SYCP3: variants seen among roughly 807,000 people sequenced by gnomAD.
SYCP3 encodes synaptonemal complex protein 3.
SYCP3 carries 29 observed loss-of-function variants against 38.5 expected under a neutral mutation model. That is an observed-to-expected ratio of 0.75 (90% CI 0.56 to 1.03). SYCP3 has a LOEUF of 1.03. SYCP3 is among the 50% of genes least tolerant of loss of function. The pLI is 0.00. For missense variants in SYCP3, 242 were observed against 270.7 expected (o/e 0.89, Z 0.74); for synonymous variants, 79 against 80.3 (o/e 0.98, Z 0.08).
chr12:101,738,104 A>C (rs1952531807), intron 1 of SYCP3, among the ~76,000 whole-genome samples, 152 bp from the exon 2 acceptor site: 1 of 152,180 alleles, frequency 6.6e-6, no homozygotes, highest in South Asian at 2.1e-4. Flanking sequence ...AAAAGTTAAG[A>C]AGATAATGAC....
rs1441274914 is a variant in SYCP3 at position 101,737,214 on chromosome 12, T to G, written c.200+18A>C. ...AAGTGCTTTATCTAAGAAACAAAAA[T>G]TATTTTGAACACGTTACCCCATATC... is the stretch of plus-strand genomic sequence containing the variant. On this transcript the variant is annotated intron_variant, in intron 3 of 8. Transcript: ENST00000392924. 1 of 1,612,930 alleles carries G rather than the reference T, an allele frequency of 6.2e-7. No individual in the cohort carries two copies. The highest frequency in any genetic ancestry group is 8.5e-7 in the Non-Finnish European group (1 of 1,179,290).
chr12:101,739,090 G>A (rs1433866447), intron 1 of SYCP3, among the ~76,000 whole-genome samples: 1 of 152,194 alleles, frequency 6.6e-6, no homozygotes, highest in Non-Finnish European at 1.5e-5. Context: ...GGAGACGCGC[G>A]GAGCGAGGTA....
At position 101,737,079 on chromosome 12, in the gene SYCP3, G is replaced by A. The variant is rs745392420; in HGVS notation, c.201-8C>T. ...ATATTCTGCACTTCACCCCTGGAAA[G>A]AAATTACATTTTAAACACTTTAGAA... is the stretch of plus-strand genomic sequence containing the variant. On this transcript the variant is annotated splice_region_variant and splice_polypyrimidine_tract_variant and intron_variant, in intron 3 of 8. Coordinates refer to ENST00000392924, the MANE Select transcript of SYCP3 (RefSeq NM_001177949.2). 7 of 1,613,744 alleles carry A rather than the reference G, an allele frequency of 4.3e-6. No homozygotes were observed. The highest frequency in any genetic ancestry group is 5.9e-6 in the Non-Finnish European group (7 of 1,179,896).
chr12:101,734,838 G>T, intron 5 of SYCP3, 89 bp downstream of exon 5: 1 of 928,424 alleles, frequency 1.1e-6, no homozygotes, highest in Non-Finnish European at 1.8e-6. Flanking sequence ...ATGAGCCACC[G>T]TGCCGATCCT....
intron 7 of SYCP3, chr12:101,729,434 C>CCTG: frequency 2.0e-6 from 1 of 490,802 alleles, no homozygotes. Context: ...ATGTAGTATA[C>CCTG]TTTGCCCACA....
At chr12:101,732,147 T>C (rs1952216025) in intron 6 of SYCP3, 1 of 155,120 alleles carries the variant, frequency 6.4e-6, no homozygotes, top group Non-Finnish European at 1.4e-5. Context: ...GCATAATCTG[T>C]CCATGGTTTC....
Position 101,737,260 on chromosome 12 carries a change from A to G in SYCP3, c.172T>C (p.Ser58Pro). 1 of 1,612,966 alleles carries G rather than the reference A, an allele frequency of 6.2e-7. No individual in the cohort carries two copies. The highest frequency in any genetic ancestry group is 1.7e-5 in the Admixed American group (1 of 59,870). The change falls in exon 3 of 9, where the codon TCT (serine) becomes CCT (proline). Residue 58 changes from serine to proline, a missense_variant. Ser to Pro is a moderately conservative substitution (Grantham distance 74, BLOSUM62 -1). Transcript: ENST00000392924. ...AVIEKRRKKR[S>P]SAGVVEDMGG... Reference sequence around the variant, plus strand: ...ATATCTTCAACTACTCCTGCAGAAGACCTTTTCTTCCTACGTTTCTCAATG... The same window carrying G: ...ATATCTTCAACTACTCCTGCAGAAGGCCTTTTCTTCCTACGTTTCTCAATG...
intron 7 of SYCP3, chr12:101,730,635 A>C (rs1182920827): frequency 3.5e-5 from 11 of 316,964 alleles, no homozygotes; most frequent in South Asian, 2.8e-4. Flanking sequence ...CTGGGACTAC[A>C]GGTGAGTGCC....
chr12:101,739,241 T>C (rs903841825), intron 1 of SYCP3, 110 bp downstream of exon 1: 17 of 995,056 alleles, frequency 1.7e-5, no homozygotes, highest in Non-Finnish European at 2.0e-5. Context: ...CGGCCTCCGT[T>C]TTCTCGTCAG....
chr12:101,731,557 A>G lies in SYCP3; in HGVS notation c.552+11T>C. ...TTATAACGATGTATTGTGTTACCACATACAACAAACCTTTATGAACTGCTC... is the reference window on the plus strand; with the variant it reads ...TTATAACGATGTATTGTGTTACCACGTACAACAAACCTTTATGAACTGCTC... On this transcript the variant is annotated intron_variant, in intron 7 of 8. Transcript: ENST00000392924. 6.4e-7 allele frequency: 1 copy of G among 1,573,124 alleles called. No homozygotes were observed. Among genetic ancestry groups the G allele is most frequent in the Non-Finnish European group, 8.7e-7 (1 of 1,152,976 alleles).
chr12:101,729,296 T>C (rs1952079895), intron 7 of SYCP3, 83 bp from the exon 8 acceptor site: 1 of 1,344,662 alleles, frequency 7.4e-7, no homozygotes, highest in Non-Finnish European at 1.0e-6. Context: ...TTTTCAAAAG[T>C]AGTAATTTTT....
At position 101,737,798 on chromosome 12, in the gene SYCP3, T is replaced by C. The variant is rs1952516045; in HGVS notation, c.133+5A>G. ...CATCACTGCCCAACATGAGATGTAC[T>C]GCACCTTCAATAACATCTTCCTCTG... On this transcript the variant is annotated splice_donor_5th_base_variant and intron_variant, in intron 2 of 8. Transcript: ENST00000392924. 2 of 1,614,172 alleles carry C rather than the reference T, an allele frequency of 1.2e-6. No homozygotes were observed. The highest frequency in any genetic ancestry group is 1.7e-6 in the Non-Finnish European group (2 of 1,180,028).
intron 4 of SYCP3, 134 bp downstream of exon 4, chr12:101,736,903 A>C: frequency 1.2e-6 from 1 of 801,730 alleles, no homozygotes; most frequent in Non-Finnish European, 2.0e-6. Flanking sequence ...AATCACAAAT[A>C]CTTATGCAGA....
At chr12:101,733,474 G>T in intron 6 of SYCP3, 101 bp downstream of exon 6, 1 of 1,045,846 alleles carries the variant, frequency 9.6e-7, no homozygotes, top group Non-Finnish European at 1.5e-6. Flanking sequence ...GCCAGCAATG[G>T]TTAATGAAAC....
At position 101,739,344 on chromosome 12, in the gene SYCP3, C is replaced by T; in HGVS notation, c.-18+7G>A. The stretch of plus-strand genomic sequence containing the variant: ...CTGCGATAGACAGACGCCTCCCCTG[C>T]TCACACCTGAAACACACCGCAATGG... On this transcript the variant is annotated splice_region_variant and intron_variant, in intron 1 of 8. Coordinates refer to ENST00000392924, the MANE Select transcript of SYCP3 (RefSeq NM_001177949.2). 1 of 1,002,892 alleles carries T rather than the reference C, an allele frequency of 1.0e-6. No individual in the cohort carries two copies. The highest frequency in any genetic ancestry group is 1.2e-6 in the Non-Finnish European group (1 of 830,394). 62.1% of individuals were successfully genotyped at this position (1,002,892 alleles called of 1,614,324 possible).
At chr12:101,734,440 T>C (rs1952318112) in intron 5 of SYCP3, among the ~76,000 whole-genome samples, 1 of 152,162 alleles carries the variant, frequency 6.6e-6, no homozygotes, top group Admixed American at 6.5e-5. Context: ...ACCTCACTTG[T>C]TACCTAAAAG....
chr12:101,735,151 C>G, intron 4 of SYCP3, 107 bp from the exon 5 acceptor site: 1 of 679,462 alleles, frequency 1.5e-6, no homozygotes, highest in Non-Finnish European at 2.5e-6. Flanking sequence ...ATTGGAAAGA[C>G]ATTTAAACTT....
intron 5 of SYCP3, among the ~76,000 whole-genome samples, chr12:101,733,893 T>C (rs1484321193): frequency 6.6e-6 from 1 of 152,216 alleles, no homozygotes; most frequent in Non-Finnish European, 1.5e-5. Flanking sequence ...TCACAAGCTT[T>C]AGCTCTTGAA....
At chr12:101,729,666 A>G (rs377518800) in intron 7 of SYCP3, 1 of 158,090 alleles carries the variant, frequency 6.3e-6, no homozygotes, top group African/African-American at 2.4e-5. Flanking sequence ...CATTCAACAA[A>G]CAGTTAATCT....
Sources: allele counts gnomAD v4.1 joint callset (sites outside exome capture counted in the v4.1 genomes callset), GRCh38; gene constraint gnomAD v4.1.1; transcripts MANE v1.5; gene names NCBI Gene and HGNC (gene_info 2026-07-23, HGNC 2026-07-21).